Variants in VPS13B observed in about 807,000 individuals in gnomAD.
The protein encoded by VPS13B is intermembrane lipid transfer protein VPS13B.
Under a neutral mutation model 426.4 loss-of-function variants are expected in VPS13B, and 285 were observed. The ratio of observed to expected loss-of-function variants is 0.67; its 90% CI spans 0.61 to 0.74. The LOEUF is 0.74. VPS13B is among the 30% of genes least tolerant of loss of function. The pLI, the probability that VPS13B is intolerant of heterozygous loss-of-function variation, is 0.00. For synonymous variants in VPS13B, 1,676 were observed against 1,676.4 expected, an observed-to-expected ratio of 1.00 and a Z score of 0.01; for missense variants, 4,537 against 4,782.6, an observed-to-expected ratio of 0.95 and a Z score of 1.51.
chr8:99,391,910 A>G (rs1168464517), intron 21 of VPS13B, among the ~76,000 whole-genome samples: 2 of 152,194 alleles, frequency 1.3e-5, no homozygotes, highest in Non-Finnish European at 1.5e-5. Context: ...ATAAGGTGGC[A>G]TGAAGAGGGC....
chr8:99,195,729 G>A (rs1173167643), intron 17 of VPS13B, among the ~76,000 whole-genome samples: 1 of 152,120 alleles, frequency 6.6e-6, no homozygotes, highest in African/African-American at 2.4e-5. Flanking sequence ...TTCTGAATTG[G>A]TTTTTCCTCA....
intron 33 of VPS13B, among the ~76,000 whole-genome samples, chr8:99,623,895 T>C (rs1828474068): frequency 6.6e-6 from 1 of 151,444 alleles, no homozygotes; most frequent in Non-Finnish European, 1.5e-5. Context: ...TTTATCATCA[T>C]AAGAACATGC....
At chr8:99,815,369 G>A (rs1361013963) in intron 44 of VPS13B, among the ~76,000 whole-genome samples, 2 of 151,952 alleles carry the variant, frequency 1.3e-5, no homozygotes, top group Non-Finnish European at 2.9e-5. Context: ...AAGTCCAAAG[G>A]CCAGAAAAGA....
chr8:99,793,988 G>A (rs1020778259), intron 43 of VPS13B, among the ~76,000 whole-genome samples: 1 of 152,180 alleles, frequency 6.6e-6, no homozygotes, highest in Non-Finnish European at 1.5e-5. Context: ...GGGTGCAGTG[G>A]TGCTTCACAC....
intron 30 of VPS13B, among the ~76,000 whole-genome samples, chr8:99,534,748 A>T (rs1323798361): frequency 6.6e-6 from 1 of 152,168 alleles, no homozygotes; most frequent in Non-Finnish European, 1.5e-5. Flanking sequence ...ATGGTAAAAC[A>T]TTGTGCTACT....
chr8:99,232,131 G>A (rs374066300), intron 17 of VPS13B, among the ~76,000 whole-genome samples: 13 of 152,024 alleles, frequency 8.6e-5, no homozygotes, highest in African/African-American at 2.7e-4. Flanking sequence ...GTGGTGTTGC[G>A]TAGATATGGG....
chr8:99,102,944 A>C lies in VPS13B; in HGVS notation c.413-9A>C. The C allele has an allele frequency of 2.5e-6, 4 of 1,596,310 alleles. No homozygotes were observed. Among genetic ancestry groups the C allele is most frequent in the Non-Finnish European group, 3.4e-6 (4 of 1,165,090 alleles). The stretch of plus-strand genomic sequence containing the variant: ...GTGGCTAATTAAATTCTTTTTTTCT[A>C]TTTTATAGGTTATGTGCAGAGTCTG... On this transcript the variant is annotated splice_polypyrimidine_tract_variant and intron_variant, in intron 4 of 61. Coordinates refer to ENST00000357162, the MANE Select transcript of VPS13B (RefSeq NM_152564.5).
At chr8:99,031,077 G>GTT in intron 2 of VPS13B, among the ~76,000 whole-genome samples, 1 of 152,034 alleles carries the variant, frequency 6.6e-6, no homozygotes, top group Non-Finnish European at 1.5e-5. Context: ...TTAAATCACA[G>GTT]TTTCCAAGAA....
At chr8:99,571,978 G>A (rs1255697545) in intron 31 of VPS13B, among the ~76,000 whole-genome samples, 1 of 152,014 alleles carries the variant, frequency 6.6e-6, no homozygotes, top group African/African-American at 2.4e-5. Context: ...GTATTCTCTG[G>A]ACTACTCTGA....
In VPS13B at chr8:99,641,980, C is replaced by T; in HGVS notation, c.5390C>T (p.Pro1797Leu). Residue 1797 changes from proline (P) to leucine (L), a missense_variant, in exon 34 of 62, where the codon CCC becomes CTC. Coordinates refer to ENST00000357162, the MANE Select transcript of VPS13B (RefSeq NM_152564.5). Reference sequence around the variant, plus strand: ...GCCAGTCAGCATCGCATTGCCCGTCCCTCACGCCAGTCATCAATTGTAAAA... The same window carrying T: ...GCCAGTCAGCATCGCATTGCCCGTCTCTCACGCCAGTCATCAATTGTAAAA... ...SGASQHRIAR[P>L]SRQSSIVKNL... 6.2e-7 allele frequency: 1 copy of T among 1,614,110 alleles called. No individual in the cohort carries two copies. The highest frequency in any genetic ancestry group is 8.5e-7 in the Non-Finnish European group (1 of 1,180,012).
chr8:99,754,085 GT>G (rs34681251), intron 39 of VPS13B, among the ~76,000 whole-genome samples: 28,259 of 120,902 alleles, frequency 0.23, 2,311 homozygotes, highest in South Asian at 0.42. Context: ...TAGTATAAGG[GT>G]TTTTTTTTTT....
intron 31 of VPS13B, among the ~76,000 whole-genome samples, chr8:99,564,690 G>C (rs141912039): frequency 1.3e-5 from 2 of 152,288 alleles, no homozygotes; most frequent in Admixed American, 6.5e-5. Flanking sequence ...TGTTGTTAAG[G>C]TTCCTCTTTT....
chr8:99,218,414 A>G (rs1199441196), intron 17 of VPS13B, among the ~76,000 whole-genome samples: 2 of 152,150 alleles, frequency 1.3e-5, no homozygotes, highest in African/African-American at 4.8e-5. Flanking sequence ...TGACAGATGC[A>G]TTTGTTGACA....
intron 24 of VPS13B, among the ~76,000 whole-genome samples, chr8:99,468,179 A>G (rs1274516054): frequency 6.6e-6 from 1 of 152,010 alleles, no homozygotes; most frequent in African/African-American, 2.4e-5. Context: ...TGAGTGTGTG[A>G]TGTTCCCCAC....
intron 42 of VPS13B, among the ~76,000 whole-genome samples, chr8:99,780,546 T>A (rs1217629697): frequency 6.6e-6 from 1 of 152,120 alleles, no homozygotes; most frequent in Admixed American, 6.6e-5. Context: ...TGAAGGAATA[T>A]TCTGAGTTTT....
intron 21 of VPS13B, among the ~76,000 whole-genome samples, chr8:99,395,159 C>T (rs1325815818): frequency 1.3e-5 from 2 of 152,200 alleles, no homozygotes; most frequent in East Asian, 3.8e-4. Context: ...ACATCTCAAA[C>T]TGAGCTCAGC....
chr8:99,050,247 A>G lies in VPS13B; in HGVS notation c.291+11681A>G, dbSNP rs370728786. On this transcript the variant is annotated intron_variant, in intron 3 of 61. Coordinates refer to ENST00000357162, the MANE Select transcript of VPS13B (RefSeq NM_152564.5). ...CCCCTTCCTGTGTCTATGTGTGCTC[A>G]TTGTTCAATTCCCACCTATAAGTGA... Among the ~76,000 whole-genome samples the G allele has an allele frequency of 2.3e-4, 35 of 150,710 alleles. No homozygotes were observed. The South Asian group carries it at 7.1e-3, about 31-fold the overall frequency.
intron 21 of VPS13B, among the ~76,000 whole-genome samples, chr8:99,398,200 G>C (rs1428447087): frequency 6.6e-6 from 1 of 152,166 alleles, no homozygotes; most frequent in Non-Finnish European, 1.5e-5. Flanking sequence ...GCCACAGAGT[G>C]GTTGAGATTT....
intron 16 of VPS13B, among the ~76,000 whole-genome samples, chr8:99,191,380 T>C (rs866366089): frequency 4.6e-5 from 6 of 130,264 alleles, no homozygotes; most frequent in African/African-American, 1.8e-4. Context: ...CTCTCTCTTT[T>C]TTTTTTTTTT....
Sources: allele counts gnomAD v4.1 joint callset (sites outside exome capture counted in the v4.1 genomes callset), GRCh38; gene constraint gnomAD v4.1.1; transcripts MANE v1.5; gene names NCBI Gene and HGNC (gene_info 2026-07-23, HGNC 2026-07-21).